CXXC5: variants seen among roughly 807,000 people sequenced by gnomAD.
CXXC5 encodes CXXC-type zinc finger protein 5.
In CXXC5, 2 loss-of-function variants were observed where a neutral mutation model predicts 17.6. That is an observed-to-expected ratio of 0.11 (90% CI 0.05 to 0.36). The LOEUF (loss-of-function observed/expected upper bound fraction) is 0.36, where lower values mean the gene tolerates loss of function less well. Among genes scored for constraint, CXXC5 ranks in the 10% least tolerant of loss-of-function variants. CXXC5 has a pLI of 1.00. For missense variants in CXXC5, 343 were observed against 458.3 expected, an observed-to-expected ratio of 0.75 and a Z score of 2.30; for synonymous variants, 171 against 193.0, an observed-to-expected ratio of 0.89 and a Z score of 0.94.
chr5:139,662,434 C>A (rs115772344), intron 1 of CXXC5, among the ~76,000 whole-genome samples: 6,531 of 151,880 alleles, frequency 0.043, 211 homozygotes, highest in Middle Eastern at 0.13. Context: ...TTTCCATATG[C>A]TGCCAAAAAA....
intron 1 of CXXC5, among the ~76,000 whole-genome samples, chr5:139,678,406 C>T (rs763513094): frequency 6.6e-6 from 1 of 152,212 alleles, no homozygotes; most frequent in Admixed American, 6.5e-5. Context: ...GATTCCCTGC[C>T]AGGGCCCCCC....
At chr5:139,666,731 G>A (rs745875420) in intron 1 of CXXC5, among the ~76,000 whole-genome samples, 28 of 152,204 alleles carry the variant, frequency 1.8e-4, no homozygotes, top group Admixed American at 1.3e-4. Context: ...AGAGGTGCAG[G>A]GACGCATAAC....
At chr5:139,650,770 C>T (rs1174199387) in intron 1 of CXXC5, among the ~76,000 whole-genome samples, 1 of 152,162 alleles carries the variant, frequency 6.6e-6, no homozygotes, top group Non-Finnish European at 1.5e-5. Context: ...GAACTGAGAC[C>T]GAAGCCCCCT....
At chr5:139,652,885 G>GA (rs1351552059) in intron 1 of CXXC5, among the ~76,000 whole-genome samples, 1 of 152,156 alleles carries the variant, frequency 6.6e-6, no homozygotes, top group East Asian at 1.9e-4. Flanking sequence ...AAATCTGGGG[G>GA]ATCTGACTCT....
intron 1 of CXXC5, 190 bp downstream of exon 1, chr5:139,649,035 G>A (rs946098558): frequency 6.6e-6 from 1 of 152,292 alleles, no homozygotes; most frequent in Non-Finnish European, 1.5e-5. Flanking sequence ...GACGGGGAAG[G>A]AGGGGTCCGT....
At chr5:139,659,403 C>T (rs1241731779) in intron 1 of CXXC5, among the ~76,000 whole-genome samples, 1 of 152,194 alleles carries the variant, frequency 6.6e-6, no homozygotes, top group Non-Finnish European at 1.5e-5. Context: ...AGGCCCCCAG[C>T]CAGTCCAAGT....
intron 1 of CXXC5, among the ~76,000 whole-genome samples, chr5:139,677,378 C>T (rs1000451615): frequency 2.0e-5 from 3 of 152,076 alleles, no homozygotes; most frequent in African/African-American, 7.2e-5. Flanking sequence ...GGAGAACGTC[C>T]CCTCTATGTC....
intron 1 of CXXC5, among the ~76,000 whole-genome samples, chr5:139,656,144 C>T (rs541181559): frequency 1.3e-5 from 2 of 152,264 alleles, no homozygotes; most frequent in African/African-American, 4.8e-5. Flanking sequence ...GCGTAATGTT[C>T]GGGCACTGGG....
intron 1 of CXXC5, chr5:139,649,679 T>C (rs1755062431): frequency 6.6e-6 from 1 of 152,232 alleles, no homozygotes; most frequent in Non-Finnish European, 1.5e-5. Flanking sequence ...TTGAGCTGTC[T>C]CCCGAGCCCC....
In CXXC5 at chr5:139,681,149, C is replaced by G. The variant is rs752404340; in HGVS notation, c.626C>G (p.Pro209Arg). 3 of 1,612,792 alleles carry G rather than the reference C, an allele frequency of 1.9e-6. No individual in the cohort carries two copies. The highest frequency in any genetic ancestry group is 2.2e-5 in the South Asian group (2 of 91,092). The change falls in exon 2 of 3, where the codon CCC becomes CGC. Residue 209 changes from proline (P) to arginine (R), a missense_variant. Around this residue, in one of 4 missense-constraint regions of CXXC5, gnomAD observed 297 missense variants for 363.4 expected, o/e 0.82. Transcript: ENST00000302517. ...GCCCTCAATGGCCAGTCCGACTTCC[C>G]CTACCTGGGCGCTTTCCCCATCAAC... ...AEALNGQSDF[P>R]YLGAFPINPG...
intron 1 of CXXC5, among the ~76,000 whole-genome samples, chr5:139,667,550 G>T (rs1756177505): frequency 6.6e-6 from 1 of 152,212 alleles, no homozygotes; most frequent in African/African-American, 2.4e-5. Context: ...GTTCAGGTGG[G>T]TGTGGGGCCA....
chr5:139,650,894 G>A (rs1485916061), intron 1 of CXXC5: 1 of 152,202 alleles, frequency 6.6e-6, no homozygotes, highest in Non-Finnish European at 1.5e-5. Context: ...CTGGAGCTTG[G>A]GGGGGTGGGG....
chr5:139,655,248 G>A (rs1400687748), intron 1 of CXXC5, among the ~76,000 whole-genome samples: 3 of 152,152 alleles, frequency 2.0e-5, no homozygotes, highest in Non-Finnish European at 4.4e-5. Context: ...TGGCTGTGAT[G>A]GAGGTGGTGG....
In CXXC5 at chr5:139,680,624, C is replaced by T; in HGVS notation, c.101C>T (p.Ala34Val). Residue 34 changes from alanine to valine, a missense_variant, in exon 2 of 3, where the codon GCA becomes GTA. Ala to Val is a moderately conservative substitution (Grantham distance 64). Coordinates refer to ENST00000302517, the MANE Select transcript of CXXC5 (RefSeq NM_016463.9). Reference sequence around the variant, plus strand: ...GGCAGCAGTGGCCCAAAGGCAGGAGCAGCAGACAAGAGTGCAGTGGTGGCT... The same window carrying T: ...GGCAGCAGTGGCCCAAAGGCAGGAGTAGCAGACAAGAGTGCAGTGGTGGCT... Reference protein sequence around the residue: ...GSGSSGPKAGAADKSAVVAAA... With the variant: ...GSGSSGPKAGVADKSAVVAAA... The T allele has an allele frequency of 6.2e-7, 1 of 1,612,210 alleles. No homozygotes were observed. The highest frequency in any genetic ancestry group is 8.5e-7 in the Non-Finnish European group (1 of 1,179,718).
At chr5:139,655,359 C>T (rs1459522102) in intron 1 of CXXC5, among the ~76,000 whole-genome samples, 2 of 152,036 alleles carry the variant, frequency 1.3e-5, no homozygotes, top group African/African-American at 2.4e-5. Context: ...ACTGGCCTAG[C>T]TCTTCAATAT....
chr5:139,665,486 C>T (rs1398598619), intron 1 of CXXC5: 2 of 152,326 alleles, frequency 1.3e-5, no homozygotes, highest in African/African-American at 2.4e-5. Flanking sequence ...GGCCAGTGCC[C>T]AACTGTGGTA....
Position 139,683,201 on chromosome 5 carries a change from A to G in CXXC5, c.*294A>G, listed in dbSNP as rs1757355956. 2 of 294,936 alleles carry G rather than the reference A, an allele frequency of 6.8e-6. No individual in the cohort carries two copies. Among genetic ancestry groups the G allele is most frequent in the Non-Finnish European group, 1.2e-5 (2 of 162,294 alleles). The allele number at this position is 294,936 out of a possible 1,614,324, so 18.3% of individuals were successfully genotyped here. ...CCGAGACTTCCTGGGCAAAGAATGGACAATCAGTTTCCTTCCTGTGTCGAT... is the reference window on the plus strand; with the variant it reads ...CCGAGACTTCCTGGGCAAAGAATGGGCAATCAGTTTCCTTCCTGTGTCGAT... On this transcript the variant is annotated 3_prime_UTR_variant, in exon 3 of 3. Transcript: ENST00000302517.
Position 139,682,907 on chromosome 5 carries a change from ACGG to A in CXXC5, c.*7_*9del. The A allele has an allele frequency of 6.3e-7, 1 of 1,591,804 alleles. No individual in the cohort carries two copies. The highest frequency in any genetic ancestry group is 1.1e-5 in the South Asian group (1 of 88,028). On this transcript the variant is annotated 3_prime_UTR_variant, in exon 3 of 3. Transcript: ENST00000302517. The stretch of plus-strand genomic sequence containing the variant: ...GAGCCGCCTTCCGGTGGTTTCAGTG[ACGG>A]CGGCGGAACCCAAAGCTGCCCTCTC...
chr5:139,665,005 C>G (rs1212986530), intron 1 of CXXC5, among the ~76,000 whole-genome samples: 1 of 152,256 alleles, frequency 6.6e-6, no homozygotes, highest in Non-Finnish European at 1.5e-5. Flanking sequence ...TCCCCCCAGA[C>G]TATCCTCCTG....
Sources: allele counts gnomAD v4.1 joint callset (sites outside exome capture counted in the v4.1 genomes callset), GRCh38; gene constraint gnomAD v4.1.1; regional missense constraint gnomAD v4.1.1; transcripts MANE v1.5; gene names NCBI Gene and HGNC (gene_info 2026-07-23, HGNC 2026-07-21).